The following LHFPL6 variants were observed in gnomAD, a reference collection of about 807,000 sequenced individuals.
LHFPL6 encodes the protein LHFPL tetraspan subfamily member 6 protein.
A neutral mutation model predicts 20.6 loss-of-function variants in LHFPL6; 9 were observed. The observed-to-expected ratio is 0.44, with a 90% confidence interval of 0.26 to 0.76. LHFPL6 has a LOEUF of 0.76. Among genes scored for constraint, LHFPL6 ranks in the 30% least tolerant of loss-of-function variants. The probability of loss-of-function intolerance (pLI) is 0.20; values close to 1 mark genes in which losing one functional copy is unlikely to be tolerated. For missense variants in LHFPL6, 218 were observed against 253.5 expected, an observed-to-expected ratio of 0.86 and a Z score of 0.95; for synonymous variants, 105 against 98.7, an observed-to-expected ratio of 1.06 and a Z score of -0.38.
intron 2 of LHFPL6, among the ~76,000 whole-genome samples, chr13:39,500,932 C>G (rs1048765587): frequency 6.6e-6 from 1 of 152,074 alleles, no homozygotes; most frequent in African/African-American, 2.4e-5. Flanking sequence ...TAGGAAAACA[C>G]AGATTGCTGG....
chr13:39,450,704 A>G (rs1405195021), intron 2 of LHFPL6, among the ~76,000 whole-genome samples: 1 of 152,180 alleles, frequency 6.6e-6, no homozygotes, highest in Non-Finnish European at 1.5e-5. Context: ...GTAGGTCTGA[A>G]CCAAGTGAAT....
chr13:39,404,000 C>T (rs1871054722), intron 2 of LHFPL6, among the ~76,000 whole-genome samples: 1 of 152,152 alleles, frequency 6.6e-6, no homozygotes, highest in African/African-American at 2.4e-5. Context: ...TTGTTTTTGC[C>T]TCAAGTAAAC....
intron 2 of LHFPL6, among the ~76,000 whole-genome samples, chr13:39,384,586 G>A (rs1367882668): frequency 2.0e-5 from 3 of 152,152 alleles, no homozygotes; most frequent in Admixed American, 1.3e-4. Context: ...ATTAGATACC[G>A]CTTGGGTATT....
chr13:39,584,481 C>T (rs763503997), intron 2 of LHFPL6, among the ~76,000 whole-genome samples: 3 of 147,388 alleles, frequency 2.0e-5, no homozygotes, highest in South Asian at 2.1e-4. Context: ...GAGCTGAGAG[C>T]GCCATTGCAC....
chr13:39,514,915 G>A (rs1869852186), intron 2 of LHFPL6, among the ~76,000 whole-genome samples: 1 of 152,144 alleles, frequency 6.6e-6, no homozygotes, highest in Admixed American at 6.5e-5. Flanking sequence ...GCCACATATT[G>A]GAAAACAAGC....
At chr13:39,575,182 T>C (rs1872075671) in intron 2 of LHFPL6, among the ~76,000 whole-genome samples, 1 of 152,228 alleles carries the variant, frequency 6.6e-6, no homozygotes, top group African/African-American at 2.4e-5. Context: ...GATGACCACA[T>C]ACACGGGTAA....
intron 2 of LHFPL6, among the ~76,000 whole-genome samples, chr13:39,552,053 A>G (rs1201978182): frequency 6.6e-6 from 1 of 152,198 alleles, no homozygotes; most frequent in East Asian, 1.9e-4. Flanking sequence ...AATGGTAATT[A>G]TTTCAAACAT....
At chr13:39,430,780 A>G (rs1366344100) in intron 2 of LHFPL6, among the ~76,000 whole-genome samples, 1 of 152,212 alleles carries the variant, frequency 6.6e-6, no homozygotes, top group African/African-American at 2.4e-5. Context: ...AAATGCACCA[A>G]TCAGCACTCT....
chr13:39,529,722 G>A (rs1007503963), intron 2 of LHFPL6, among the ~76,000 whole-genome samples: 1 of 152,198 alleles, frequency 6.6e-6, no homozygotes, highest in Non-Finnish European at 1.5e-5. Flanking sequence ...ACTAGTAGGA[G>A]GAGATGCTTC....
At chr13:39,591,363 A>C (rs1216168456) in intron 2 of LHFPL6, among the ~76,000 whole-genome samples, 1 of 152,184 alleles carries the variant, frequency 6.6e-6, no homozygotes, top group Non-Finnish European at 1.5e-5. Flanking sequence ...ATCTAAGTAT[A>C]GCATGGAAAA....
At chr13:39,443,501 A>G (rs1254635500) in intron 2 of LHFPL6, among the ~76,000 whole-genome samples, 1 of 152,128 alleles carries the variant, frequency 6.6e-6, no homozygotes. Context: ...GGCTGGAAAA[A>G]TTTGGAGCAG....
chr13:39,373,051 G>A (rs187596794), intron 3 of LHFPL6, among the ~76,000 whole-genome samples: 11 of 152,250 alleles, frequency 7.2e-5, no homozygotes, highest in Admixed American at 4.6e-4. Context: ...TGAGAGCTCC[G>A]CCTGTATAAT....
chr13:39,344,610 G>A (rs1313526334), intron 3 of LHFPL6, among the ~76,000 whole-genome samples: 2 of 152,178 alleles, frequency 1.3e-5, no homozygotes, highest in Non-Finnish European at 2.9e-5. Flanking sequence ...TCACCTTGAA[G>A]ATAAAGTGTC....
At chr13:39,419,335 T>C (rs1871424911) in intron 2 of LHFPL6, among the ~76,000 whole-genome samples, 1 of 152,252 alleles carries the variant, frequency 6.6e-6, no homozygotes, top group Non-Finnish European at 1.5e-5. Flanking sequence ...GTCACTAATG[T>C]GATCACAGTG....
At chr13:39,554,341 T>C (rs1871236112) in intron 2 of LHFPL6, among the ~76,000 whole-genome samples, 1 of 152,218 alleles carries the variant, frequency 6.6e-6, no homozygotes, top group South Asian at 2.1e-4. Flanking sequence ...CTCTTTAATA[T>C]ACTCTTTAAT....
At chr13:39,493,228 G>A (rs1868986316) in intron 2 of LHFPL6, among the ~76,000 whole-genome samples, 2 of 150,162 alleles carry the variant, frequency 1.3e-5, no homozygotes, top group African/African-American at 4.9e-5. Context: ...CAGCACTTTG[G>A]GAGGACAAGG....
At chr13:39,561,885 T>A (rs565192818) in intron 2 of LHFPL6, among the ~76,000 whole-genome samples, 1 of 152,314 alleles carries the variant, frequency 6.6e-6, no homozygotes, top group African/African-American at 2.4e-5. Flanking sequence ...TCCTCTGAGT[T>A]AGAAACTATT....
chr13:39,544,202 C>A (rs1043022739), intron 2 of LHFPL6, among the ~76,000 whole-genome samples: 1 of 152,068 alleles, frequency 6.6e-6, no homozygotes, highest in African/African-American at 2.4e-5. Context: ...ATAACAAGTA[C>A]AATTTGAAAG....
intron 2 of LHFPL6, among the ~76,000 whole-genome samples, chr13:39,428,377 T>C (rs1871698680): frequency 1.3e-5 from 2 of 152,234 alleles, no homozygotes; most frequent in African/African-American, 2.4e-5. Flanking sequence ...TTACTACAAA[T>C]TGATTTTTAA....
Sources: gnomAD v4.1 joint callset for allele counts (sites outside exome capture counted in the v4.1 genomes callset) on GRCh38, gnomAD v4.1.1 for gene constraint, MANE v1.5 for transcripts, NCBI Gene and HGNC (gene_info 2026-07-23, HGNC 2026-07-21) for gene names.